The following NELL2 variants were observed in gnomAD, a reference collection of about 807,000 sequenced individuals.
The protein encoded by NELL2 is protein kinase C-binding protein NELL2.
In NELL2, 41 loss-of-function variants were observed where a neutral mutation model predicts 109.6. The ratio of observed to expected loss-of-function variants is 0.37; its 90% CI spans 0.29 to 0.49. The LOEUF (loss-of-function observed/expected upper bound fraction) is 0.49, where lower values mean the gene tolerates loss of function less well. NELL2 is among the 20% of genes least tolerant of loss of function. NELL2 has a pLI of 0.98. For missense variants in NELL2, 900 were observed against 1,008.3 expected, an observed-to-expected ratio of 0.89 and a Z score of 1.45; for synonymous variants, 355 against 344.7, an observed-to-expected ratio of 1.03 and a Z score of -0.33.
chr12:44,631,867 T>C (rs1339198381), intron 13 of NELL2, among the ~76,000 whole-genome samples: 1 of 151,998 alleles, frequency 6.6e-6, no homozygotes, highest in Non-Finnish European at 1.5e-5. Flanking sequence ...GATAAAGGCA[T>C]TACAAAAAAC....
chr12:44,539,378 C>T (rs916485383), intron 15 of NELL2, among the ~76,000 whole-genome samples: 3 of 151,820 alleles, frequency 2.0e-5, no homozygotes, highest in African/African-American at 7.3e-5. Flanking sequence ...AAGAAATTGG[C>T]GGGGGGGATG....
intron 2 of NELL2, among the ~76,000 whole-genome samples, chr12:44,856,637 C>T (rs549075445): frequency 6.6e-6 from 1 of 152,160 alleles, no homozygotes; most frequent in Admixed American, 6.5e-5. Flanking sequence ...GAGTACCTGC[C>T]TGGCATGTTT....
chr12:44,883,392 C>T (rs1345201895), intron 1 of NELL2, among the ~76,000 whole-genome samples: 2 of 151,988 alleles, frequency 1.3e-5, no homozygotes, highest in African/African-American at 4.8e-5. Flanking sequence ...GGTTCTCTGA[C>T]TACAGTTTAG....
chr12:44,581,272 A>G (rs113067727), intron 15 of NELL2, among the ~76,000 whole-genome samples: 311 of 152,284 alleles, frequency 2.0e-3, no homozygotes, highest in Non-Finnish European at 3.1e-3. Context: ...AGAGCTCTAC[A>G]TCTTAAAGAT....
At chr12:44,632,900 T>TA (rs1475111870) in intron 13 of NELL2, among the ~76,000 whole-genome samples, 2 of 152,036 alleles carry the variant, frequency 1.3e-5, no homozygotes, top group African/African-American at 4.8e-5. Flanking sequence ...AGGAGAATGC[T>TA]ATAACTAGGC....
chr12:44,648,944 T>TGTGTGTG (rs1947203450), intron 13 of NELL2, among the ~76,000 whole-genome samples: 2 of 53,542 alleles, frequency 3.7e-5, no homozygotes, highest in African/African-American at 9.4e-5. Context: ...GTGTGTGTGT[T>TGTGTGTG]TAGTAGAGAC....
At chr12:44,770,587 G>C (rs1224339046) in intron 9 of NELL2, among the ~76,000 whole-genome samples, 2 of 152,162 alleles carry the variant, frequency 1.3e-5, no homozygotes, top group African/African-American at 2.4e-5. Flanking sequence ...GAATATTAAA[G>C]TGTAATCTAT....
intron 15 of NELL2, among the ~76,000 whole-genome samples, chr12:44,576,018 A>G (rs1944066596): frequency 6.6e-6 from 1 of 152,208 alleles, no homozygotes; most frequent in Non-Finnish European, 1.5e-5. Flanking sequence ...CTCCAGGCAC[A>G]TTGGTCCTCT....
chr12:44,851,576 T>G (rs1276225975), intron 2 of NELL2: 1 of 152,172 alleles, frequency 6.6e-6, no homozygotes, highest in Non-Finnish European at 1.5e-5. Context: ...CTACCAGTAA[T>G]TTTTTTAATT....
intron 13 of NELL2, among the ~76,000 whole-genome samples, chr12:44,630,314 C>A (rs962328336): frequency 6.6e-6 from 1 of 151,932 alleles, no homozygotes; most frequent in Non-Finnish European, 1.5e-5. Context: ...TACTATAAGG[C>A]AAATGAAGCA....
intron 15 of NELL2, among the ~76,000 whole-genome samples, chr12:44,592,936 G>C (rs114580899): frequency 1.3e-3 from 204 of 152,208 alleles, no homozygotes; most frequent in African/African-American, 4.7e-3. Flanking sequence ...TTTGACATTT[G>C]TTTTGTTCCT....
intron 13 of NELL2, among the ~76,000 whole-genome samples, chr12:44,622,829 A>G (rs1946107987): frequency 6.6e-6 from 1 of 152,146 alleles, no homozygotes; most frequent in Non-Finnish European, 1.5e-5. Flanking sequence ...TACAAAATTT[A>G]TCTTTCTTAG....
intron 9 of NELL2, among the ~76,000 whole-genome samples, chr12:44,761,890 G>A (rs1941141287): frequency 6.6e-6 from 1 of 152,174 alleles, no homozygotes; most frequent in African/African-American, 2.4e-5. Flanking sequence ...GGGAAGAGTA[G>A]AAGGGGCGTG....
chr12:44,738,937 T>C (rs1053805198), intron 9 of NELL2, among the ~76,000 whole-genome samples: 2 of 152,204 alleles, frequency 1.3e-5, no homozygotes, highest in South Asian at 4.1e-4. Context: ...CTCCCACTCA[T>C]GGACTATAAA....
At chr12:44,805,418 G>T (rs2136661918) in intron 3 of NELL2, among the ~76,000 whole-genome samples, 1 of 151,936 alleles carries the variant, frequency 6.6e-6, no homozygotes, top group Non-Finnish European at 1.5e-5. Context: ...ACAGAAAACA[G>T]GGCCCAGAAA....
chr12:44,623,253 T>C (rs576736779), intron 13 of NELL2, among the ~76,000 whole-genome samples: 4 of 152,212 alleles, frequency 2.6e-5, no homozygotes, highest in Admixed American at 2.0e-4. Context: ...TGTGAATATA[T>C]AGTATATATG....
At chr12:44,900,723 C>A (rs1945649991) in intron 1 of NELL2, among the ~76,000 whole-genome samples, 3 of 152,000 alleles carry the variant, frequency 2.0e-5, no homozygotes, top group African/African-American at 7.2e-5. Context: ...CAAGAGAAAA[C>A]AAATTAAAAA....
chr12:44,625,496 G>C (rs74081513), intron 13 of NELL2, among the ~76,000 whole-genome samples: 2 of 151,606 alleles, frequency 1.3e-5, no homozygotes, highest in African/African-American at 4.9e-5. Flanking sequence ...CCAAACCTTC[G>C]GCAGGTACCC....
chr12:44,718,409 G>A (rs1440622787), intron 9 of NELL2, among the ~76,000 whole-genome samples: 1 of 152,044 alleles, frequency 6.6e-6, no homozygotes, highest in African/African-American at 2.4e-5. Flanking sequence ...AACAATAAAG[G>A]AATAATCATT....
Sources: gnomAD v4.1 joint callset for allele counts (sites outside exome capture counted in the v4.1 genomes callset) on GRCh38, gnomAD v4.1.1 for gene constraint, MANE v1.5 for transcripts, NCBI Gene and HGNC (gene_info 2026-07-23, HGNC 2026-07-21) for gene names.